ZEB1: variants seen among roughly 807,000 people sequenced by gnomAD.
ZEB1 encodes the protein zinc finger E-box-binding homeobox 1.
ZEB1 carries 21 observed loss-of-function variants against 84.9 expected under a neutral mutation model. The observed-to-expected ratio is 0.25, with a 90% CI of 0.18 to 0.36. The LOEUF is 0.36. ZEB1 is among the 10% of genes least tolerant of loss of function. The pLI is 1.00. For missense variants in ZEB1, 1,104 were observed against 1,330.2 expected, an observed-to-expected ratio of 0.83 and a Z score of 2.65; for synonymous variants, 420 against 471.1, an observed-to-expected ratio of 0.89 and a Z score of 1.41.
At chr10:31,321,710 C>T in intron 1 of ZEB1, 1 of 860,452 alleles carries the variant, frequency 1.2e-6, no homozygotes, top group Non-Finnish European at 1.9e-6. Flanking sequence ...GATTTTTCTC[C>T]TTGAGATCCT....
intron 1 of ZEB1, among the ~76,000 whole-genome samples, chr10:31,425,656 C>T (rs2056832174): frequency 6.6e-6 from 1 of 152,108 alleles, no homozygotes; most frequent in Non-Finnish European, 1.5e-5. Flanking sequence ...TAGCATTAGT[C>T]ACCCACAAAT....
At chr10:31,427,504 T>G (rs950110061) in intron 1 of ZEB1, among the ~76,000 whole-genome samples, 18 of 152,242 alleles carry the variant, frequency 1.2e-4, no homozygotes, top group Admixed American at 5.9e-4. Context: ...CCCTTGTATT[T>G]CTTCCTCCCT....
chr10:31,330,888 A>G (rs1190293454), intron 1 of ZEB1, among the ~76,000 whole-genome samples: 1 of 151,718 alleles, frequency 6.6e-6, no homozygotes, highest in Non-Finnish European at 1.5e-5. Flanking sequence ...ATTCGTTATA[A>G]GTAACCTGTG....
At chr10:31,480,614 A>G (rs1474157011) in intron 2 of ZEB1, among the ~76,000 whole-genome samples, 1 of 152,076 alleles carries the variant, frequency 6.6e-6, no homozygotes, top group Non-Finnish European at 1.5e-5. Context: ...TTTGCACTAA[A>G]TATACTGTAT....
intron 1 of ZEB1, among the ~76,000 whole-genome samples, chr10:31,382,495 T>C (rs999785108): frequency 6.6e-6 from 1 of 152,186 alleles, no homozygotes; most frequent in Non-Finnish European, 1.5e-5. Flanking sequence ...AAAATAATCT[T>C]TCCTAAGAGA....
chr10:31,365,400 A>G (rs575176497), intron 1 of ZEB1, among the ~76,000 whole-genome samples: 4 of 152,180 alleles, frequency 2.6e-5, no homozygotes, highest in Admixed American at 2.6e-4. Context: ...GCCACTCTAC[A>G]TCTTGTTATT....
intron 4 of ZEB1, among the ~76,000 whole-genome samples, chr10:31,510,460 T>G (rs2069778934): frequency 6.6e-6 from 1 of 152,226 alleles, no homozygotes; most frequent in South Asian, 2.1e-4. Context: ...CATCATTTTC[T>G]GGCTCTGTGA....
chr10:31,438,375 T>A (rs2136420332), intron 1 of ZEB1, among the ~76,000 whole-genome samples: 2 of 152,324 alleles, frequency 1.3e-5, no homozygotes, highest in East Asian at 3.9e-4. Context: ...AAATAAAAAT[T>A]GTTTTATTTC....
At chr10:31,323,515 C>T (rs1404816090) in intron 1 of ZEB1, among the ~76,000 whole-genome samples, 1 of 152,018 alleles carries the variant, frequency 6.6e-6, no homozygotes, top group Non-Finnish European at 1.5e-5. Context: ...TCTTTTCCTA[C>T]TGGTAGCCCT....
At chr10:31,474,987 C>G (rs986273009) in intron 2 of ZEB1, among the ~76,000 whole-genome samples, 3 of 150,510 alleles carry the variant, frequency 2.0e-5, no homozygotes, top group Non-Finnish European at 4.4e-5. Flanking sequence ...CGCATATTCT[C>G]ACTCATAGGT....
At chr10:31,378,795 C>T (rs1159313230) in intron 1 of ZEB1, among the ~76,000 whole-genome samples, 1 of 151,932 alleles carries the variant, frequency 6.6e-6, no homozygotes, top group Non-Finnish European at 1.5e-5. Flanking sequence ...CCATCTTACA[C>T]TGTAACATAC....
At chr10:31,498,332 T>TA (rs752788652) in intron 3 of ZEB1, among the ~76,000 whole-genome samples, 10 of 152,146 alleles carry the variant, frequency 6.6e-5, no homozygotes, top group African/African-American at 2.4e-4. Context: ...TGACACCTAA[T>TA]ACCAATTTGT....
intron 8 of ZEB1, among the ~76,000 whole-genome samples, chr10:31,525,808 T>C (rs1018833025): frequency 1.3e-5 from 2 of 152,232 alleles, no homozygotes; most frequent in African/African-American, 4.8e-5. Context: ...CAGCCCCTTG[T>C]AACTCAGTCC....
chr10:31,401,668 C>T (rs1396005034), intron 1 of ZEB1, among the ~76,000 whole-genome samples: 1 of 152,114 alleles, frequency 6.6e-6, no homozygotes, highest in Non-Finnish European at 1.5e-5. Context: ...AACAAATTTG[C>T]ATTTTCAAAA....
chr10:31,463,946 C>A (rs1031692943), intron 2 of ZEB1, among the ~76,000 whole-genome samples: 1 of 152,140 alleles, frequency 6.6e-6, no homozygotes, highest in Non-Finnish European at 1.5e-5. Flanking sequence ...AGGCTAATTA[C>A]TAGAGTTACG....
At chr10:31,442,432 T>C (rs2059136995) in intron 1 of ZEB1, among the ~76,000 whole-genome samples, 1 of 151,914 alleles carries the variant, frequency 6.6e-6, no homozygotes, top group South Asian at 2.1e-4. Flanking sequence ...GGGGGAGGGA[T>C]AGCGTTAGGA....
At chr10:31,489,660 A>G (rs973967100) in intron 2 of ZEB1, among the ~76,000 whole-genome samples, 6 of 151,306 alleles carry the variant, frequency 4.0e-5, no homozygotes, top group African/African-American at 7.3e-5. Context: ...TGGTTGCTCT[A>G]TGGATTAGAA....
intron 1 of ZEB1, among the ~76,000 whole-genome samples, chr10:31,360,498 T>C (rs902999035): frequency 2.0e-5 from 3 of 152,198 alleles, no homozygotes; most frequent in African/African-American, 7.2e-5. Context: ...TATGATGCTA[T>C]AAGGTTTAAA....
chr10:31,477,408 C>G (rs1169679214), intron 2 of ZEB1, among the ~76,000 whole-genome samples: 2 of 151,910 alleles, frequency 1.3e-5, no homozygotes, highest in Non-Finnish European at 2.9e-5. Flanking sequence ...GATTGGAAGA[C>G]TCAATATTGT....
Sources: allele counts gnomAD v4.1 joint callset (sites outside exome capture counted in the v4.1 genomes callset), GRCh38; gene constraint gnomAD v4.1.1; transcripts MANE v1.5; gene names NCBI Gene and HGNC (gene_info 2026-07-23, HGNC 2026-07-21).